The following SURF6 variants were observed in gnomAD, a reference collection of about 807,000 sequenced individuals.
The protein encoded by SURF6 is surfeit locus protein 6.
In SURF6, 28 loss-of-function variants were observed where a neutral mutation model predicts 37.5. The ratio of observed to expected loss-of-function variants is 0.75; its 90% CI spans 0.55 to 1.02. The LOEUF is 1.02. SURF6 is among the 50% of genes least tolerant of loss of function. The pLI, the probability that SURF6 is intolerant of heterozygous loss-of-function variation, is 0.00. For synonymous variants in SURF6, 248 were observed against 210.9 expected, an observed-to-expected ratio of 1.18 and a Z score of -1.52; for missense variants, 560 against 490.5, an observed-to-expected ratio of 1.14 and a Z score of -1.34.
chr9:133,334,802 G>C (rs1187704451), intron 1 of SURF6, among the ~76,000 whole-genome samples: 2 of 152,010 alleles, frequency 1.3e-5, no homozygotes, highest in Non-Finnish European at 2.9e-5. Flanking sequence ...ACAAAGATGA[G>C]GCTTCAAGGA....
At chr9:133,334,952 G>A (rs2129929537) in intron 1 of SURF6, among the ~76,000 whole-genome samples, 1 of 152,210 alleles carries the variant, frequency 6.6e-6, no homozygotes, top group South Asian at 2.1e-4. Context: ...AGCTGCTGGG[G>A]GTTATGTTTA....
In SURF6 at chr9:133,331,447, G is replaced by C. The variant is rs1472368625; in HGVS notation, c.*422C>G. ...ACACCTCAGGGTTGTCCTCTGTTCGGGTGAGCTGCGGACTAACGTGGCCCG... is the reference window on the plus strand; with the variant it reads ...ACACCTCAGGGTTGTCCTCTGTTCGCGTGAGCTGCGGACTAACGTGGCCCG... On this transcript the variant is annotated 3_prime_UTR_variant, in exon 5 of 5. Transcript: ENST00000372022. The C allele has an allele frequency of 5.8e-6, 1 of 172,684 alleles. No individual in the cohort carries two copies. The highest frequency in any genetic ancestry group is 1.2e-5 in the Non-Finnish European group (1 of 82,624). 10.7% of individuals were successfully genotyped at this position (172,684 alleles called of 1,614,324 possible).
intron 1 of SURF6, 108 bp from the exon 2 acceptor site, chr9:133,334,709 G>A (rs1835830604): frequency 7.5e-7 from 1 of 1,338,260 alleles, no homozygotes; most frequent in African/African-American, 1.5e-5. Context: ...AAGAGGATCA[G>A]GATCGGGGGC....
In SURF6 at chr9:133,331,847, G is replaced by A. The variant is rs2129911917; in HGVS notation, c.*22C>T. On this transcript the variant is annotated 3_prime_UTR_variant, in exon 5 of 5. Transcript: ENST00000372022. ...CCTGGAGTCTCCTAGGACGGAAGAC[G>A]GCGGCCCCAGGTGGGAAAGACTCAG... The A allele has an allele frequency of 1.7e-5, 26 of 1,496,034 alleles. No homozygotes were observed. Among genetic ancestry groups the A allele is most frequent in the Admixed American group, 2.3e-5 (1 of 43,570 alleles). 92.7% of individuals were successfully genotyped at this position (1,496,034 alleles called of 1,614,324 possible).
chr9:133,331,489 T>C lies in SURF6; in HGVS notation c.*380A>G, dbSNP rs948276382. 1 of 210,218 alleles carries C rather than the reference T, an allele frequency of 4.8e-6. No homozygotes were observed. The highest frequency in any genetic ancestry group is 9.4e-6 in the Non-Finnish European group (1 of 106,852). The allele number at this position is 210,218 out of a possible 1,614,324, so 13.0% of individuals were successfully genotyped here. ...CGTGGCCCGGCAGCAGAGGCCACCG[T>C]CTTCTGTCCCGTGGCTCCTGCGAAC... On this transcript the variant is annotated 3_prime_UTR_variant, in exon 5 of 5. Coordinates refer to ENST00000372022, the MANE Select transcript of SURF6 (RefSeq NM_006753.6).
At chr9:133,335,735 G>A (rs1284462667) in intron 1 of SURF6, among the ~76,000 whole-genome samples, 1 of 151,274 alleles carries the variant, frequency 6.6e-6, no homozygotes, top group African/African-American at 2.4e-5. Context: ...AATTAGCTGG[G>A]CGTGGTGGCG....
In SURF6 at chr9:133,331,690, C is replaced by T. The variant is rs919640337; in HGVS notation, c.*179G>A. The stretch of plus-strand genomic sequence containing the variant: ...CGTTCAAGGATGACGCTGAAACTCT[C>T]TCTTTCTCACATGGGATCTGTGATC... On this transcript the variant is annotated 3_prime_UTR_variant, in exon 5 of 5. Transcript: ENST00000372022. 3.7e-6 allele frequency: 3 copies of T among 811,410 alleles called. No homozygotes were observed. The highest frequency in any genetic ancestry group is 1.8e-5 in the African/African-American group (1 of 55,580). 50.3% of individuals were successfully genotyped at this position (811,410 alleles called of 1,614,324 possible).
intron 2 of SURF6, 132 bp downstream of exon 2, chr9:133,334,260 C>T: frequency 1.3e-6 from 1 of 798,422 alleles, no homozygotes; most frequent in African/African-American, 1.7e-5. Flanking sequence ...GTGATCTTTG[C>T]TCTTGGGGAA....
At position 133,332,648 on chromosome 9, in the gene SURF6, C is replaced by A. The variant is rs782608158; in HGVS notation, c.506G>T (p.Arg169Met). 6.2e-7 allele frequency: 1 copy of A among 1,611,778 alleles called. No individual in the cohort carries two copies. The highest frequency in any genetic ancestry group is 1.3e-5 in the African/African-American group (1 of 74,938). The change falls in exon 4 of 5, where the codon AGG becomes ATG. Residue 169 changes from arginine (R) to methionine (M), a missense_variant. Transcript: ENST00000372022. ...GGCCTCCGTGGCCTCCTCAGCCTTC[C>A]TGGCCTTCTCTTTCGCCCGCAGCTC... The part of the protein sequence containing the change: ...RKELRAKEKA[R>M]KAEEATEAQE...
In SURF6 at chr9:133,329,338, G is replaced by A. The variant is rs2129902208; in HGVS notation, c.*2531C>T. The A allele has an allele frequency of 0.32, 56,907 of 180,078 alleles. 10,170 individuals carry two copies. Among genetic ancestry groups the A allele is most frequent in the South Asian group, 0.46 (4,859 of 10,514 alleles). 11.2% of individuals were successfully genotyped at this position (180,078 alleles called of 1,614,324 possible). On this transcript the variant is annotated 3_prime_UTR_variant, in exon 5 of 5. Transcript: ENST00000372022. Reference sequence around the variant, plus strand: ...CCAGATAACTGCGGGCAGGCCTGCCGGATGTCAGGCCCTCCACAAGAGGTG... The same window carrying A: ...CCAGATAACTGCGGGCAGGCCTGCCAGATGTCAGGCCCTCCACAAGAGGTG...
intron 3 of SURF6, among the ~76,000 whole-genome samples, chr9:133,333,157 C>T (rs1342897152): frequency 1.3e-5 from 2 of 152,102 alleles, no homozygotes; most frequent in African/African-American, 4.8e-5. Context: ...CCCCAATGGC[C>T]TTTCCCATCC....
rs1324074475 is a variant in SURF6, at chr9:133,331,456, C to T, written c.*413G>A. ...GGTTGTCCTCTGTTCGGGTGAGCTG[C>T]GGACTAACGTGGCCCGGCAGCAGAG... On this transcript the variant is annotated 3_prime_UTR_variant, in exon 5 of 5. Coordinates refer to ENST00000372022, the MANE Select transcript of SURF6 (RefSeq NM_006753.6). 5 of 177,308 alleles carry T rather than the reference C, an allele frequency of 2.8e-5. No individual in the cohort carries two copies. Among genetic ancestry groups the T allele is most frequent in the Admixed American group, 2.5e-4 (4 of 16,044 alleles). 11.0% of individuals were successfully genotyped at this position (177,308 alleles called of 1,614,324 possible). A position where few individuals can be genotyped will look rare whatever the true frequency, so the allele number is the denominator to read the frequency against.
rs1835716993 is a variant in SURF6, at chr9:133,331,192, A to G, written c.*677T>C. 1 of 152,086 alleles carries G rather than the reference A, an allele frequency of 6.6e-6. No individual in the cohort carries two copies. Among genetic ancestry groups the G allele is most frequent in the Admixed American group, 6.6e-5 (1 of 15,248 alleles). The allele number at this position is 152,086 out of a possible 1,614,324, so 9.4% of individuals were successfully genotyped here. On this transcript the variant is annotated 3_prime_UTR_variant, in exon 5 of 5. Transcript: ENST00000372022. Reference sequence around the variant, plus strand: ...TTTTATTCTTTCTTTCTCTTTCCCTAGGTCCAATGCACTTGACCCAACTCA... The same window carrying G: ...TTTTATTCTTTCTTTCTCTTTCCCTGGGTCCAATGCACTTGACCCAACTCA...
In SURF6 at chr9:133,333,797, G is replaced by A. The variant is rs117469320; in HGVS notation, c.314C>T (p.Ala105Val). The A allele has an allele frequency of 1.2e-5, 20 of 1,613,504 alleles. No homozygotes were observed. In the East Asian group the frequency reaches 2.0e-4, roughly 16 times the overall value. The stretch of plus-strand genomic sequence containing the variant: ...AGCAAAGACAGACTCAGGCTCAGTG[G>A]CCAGGCCATCTGCAGGGAAGGAGAC... ...SSAGNPADGL[A>V]TEPESVFALD... Residue 105 changes from alanine to valine, a missense_variant, in exon 3 of 5, where the codon GCC (alanine) becomes GTC (valine). Ala to Val is a moderately conservative substitution (Grantham distance 64). Coordinates refer to ENST00000372022, the MANE Select transcript of SURF6 (RefSeq NM_006753.6).
rs2129928094 is a variant in SURF6 at position 133,334,534 on chromosome 9, T to C, written c.162A>G (p.Lys54=). The C allele has an allele frequency of 3.1e-6, 5 of 1,613,958 alleles. No homozygotes were observed. The highest frequency in any genetic ancestry group is 1.7e-4 in the Middle Eastern group (1 of 6,060). Residue 54 remains lysine, a synonymous_variant, in exon 2 of 5, where the codon AAA becomes AAG. Transcript: ENST00000372022. ...PKKKRKKTQK[K]FRKREEKAAE... ...CAGCCTTCTCTTCTCGCTTCCGGAA[T>C]TTCTTTTGTGTTTTCTTCCTTTTCT...
rs148240036 is a variant in SURF6, at chr9:133,332,132, A to G, written c.823T>C (p.Tyr275His). The G allele has an allele frequency of 3.7e-5, 59 of 1,610,566 alleles. No homozygotes were observed. The African/African-American group carries it at 6.9e-4, about 19-fold the overall frequency. The change falls in exon 5 of 5, where the codon TAC becomes CAC. Residue 275 changes from tyrosine (Y) to histidine (H), a missense_variant. Coordinates refer to ENST00000372022, the MANE Select transcript of SURF6 (RefSeq NM_006753.6). ...EAKMKWTNLL[Y>H]KAEGVKIRDD... ...CGGATCTTCACGCCCTCCGCCTTGT[A>G]GAGGAGGTTGGTCCACTTCATCTTC... is the stretch of plus-strand genomic sequence containing the variant.
At position 133,330,917 on chromosome 9, in the gene SURF6, A is replaced by G. The variant is rs2129907985; in HGVS notation, c.*952T>C. On this transcript the variant is annotated 3_prime_UTR_variant, in exon 5 of 5. Coordinates refer to ENST00000372022, the MANE Select transcript of SURF6 (RefSeq NM_006753.6). ...CAAGCTCATGCTCACCTCACATCCTATCTTTCACAGGGCTTTTTCATCAGT... is the reference window on the plus strand; with the variant it reads ...CAAGCTCATGCTCACCTCACATCCTGTCTTTCACAGGGCTTTTTCATCAGT... 2 of 152,282 alleles carry G rather than the reference A, an allele frequency of 1.3e-5. No individual in the cohort carries two copies. Among genetic ancestry groups the G allele is most frequent in the South Asian group, 4.1e-4 (2 of 4,826 alleles). The allele number at this position is 152,282 out of a possible 1,614,324, so 9.4% of individuals were successfully genotyped here. A position where few individuals can be genotyped will look rare whatever the true frequency, so the allele number is the denominator to read the frequency against.
rs1280106460 is a variant in SURF6 at position 133,330,048 on chromosome 9, TTA to T, written c.*1819_*1820del. The T allele has an allele frequency of 6.6e-6, 1 of 152,240 alleles. No homozygotes were observed. The highest frequency in any genetic ancestry group is 1.5e-5 in the Non-Finnish European group (1 of 68,032). 9.4% of individuals were successfully genotyped at this position (152,240 alleles called of 1,614,324 possible). The stretch of plus-strand genomic sequence containing the variant: ...TTACAACTCAGGCTTTCTATTACTT[TTA>T]GTCAGTTTTGGAGATTTTTCTTCCA... On this transcript the variant is annotated 3_prime_UTR_variant, in exon 5 of 5. Transcript: ENST00000372022.
intron 2 of SURF6, 151 bp downstream of exon 2, chr9:133,334,241 A>ATCTTT (rs1835817146): frequency 1.4e-6 from 1 of 702,700 alleles, no homozygotes; most frequent in South Asian, 2.0e-5. Context: ...CATCCACCCT[A>ATCTTT]GCACTCCTGT....
Sources: gnomAD v4.1 joint callset for allele counts (sites outside exome capture counted in the v4.1 genomes callset) on GRCh38, gnomAD v4.1.1 for gene constraint, MANE v1.5 for transcripts, NCBI Gene and HGNC (gene_info 2026-07-23, HGNC 2026-07-21) for gene names.